Variants in BLVRA observed in about 807,000 individuals in gnomAD.
BLVRA encodes the protein BVR A.
A neutral mutation model predicts 32.8 loss-of-function variants in BLVRA; 22 were observed. The observed-to-expected ratio is 0.67, with a 90% CI of 0.48 to 0.96. The LOEUF is 0.96. Among genes scored for constraint, BLVRA ranks in the 40% least tolerant of loss-of-function variants. The probability of loss-of-function intolerance (pLI) is 0.00; values close to 1 mark genes in which losing one functional copy is unlikely to be tolerated. For synonymous variants in BLVRA, 119 were observed against 141.3 expected, an observed-to-expected ratio of 0.84 and a Z score of 1.12; for missense variants, 323 against 358.1, an observed-to-expected ratio of 0.90 and a Z score of 0.79.
chr7:43,794,438 A>T (rs1013338437), intron 5 of BLVRA, among the ~76,000 whole-genome samples: 1 of 152,188 alleles, frequency 6.6e-6, no homozygotes, highest in South Asian at 2.1e-4. Flanking sequence ...TAATGTTGAC[A>T]TATAAATCAC....
chr7:43,765,805 C>A (rs776549526), intron 1 of BLVRA, among the ~76,000 whole-genome samples: 1 of 151,594 alleles, frequency 6.6e-6, no homozygotes, highest in Non-Finnish European at 1.5e-5. Context: ...TGTGATACAG[C>A]AGAAAAAAGT....
intron 2 of BLVRA, among the ~76,000 whole-genome samples, chr7:43,773,303 A>C (rs1031025174): frequency 9.5e-5 from 14 of 147,470 alleles, no homozygotes; most frequent in Admixed American, 1.4e-4. Flanking sequence ...CCCACCCCAC[A>C]ACAGTCCCCG....
intron 2 of BLVRA, among the ~76,000 whole-genome samples, chr7:43,779,945 C>T (rs2095766824): frequency 6.6e-6 from 1 of 151,938 alleles, no homozygotes; most frequent in African/African-American, 2.4e-5. Context: ...GTGATCTTGG[C>T]TCACTGCAAC....
chr7:43,760,295 G>A (rs2095740891), intron 1 of BLVRA, among the ~76,000 whole-genome samples: 2 of 139,116 alleles, frequency 1.4e-5, no homozygotes, highest in Non-Finnish European at 3.2e-5. Context: ...TGTTATAATT[G>A]TATTTAGTTT....
At chr7:43,784,598 C>CTTTTTTT (rs5883874) in intron 2 of BLVRA, among the ~76,000 whole-genome samples, 1 of 85,236 alleles carries the variant, frequency 1.2e-5, no homozygotes, top group Non-Finnish European at 2.1e-5. Flanking sequence ...TCACTCATAT[C>CTTTTTTT]TTTTTTTTTT....
At chr7:43,793,291 A>G (rs971681561) in intron 5 of BLVRA, among the ~76,000 whole-genome samples, 2 of 151,848 alleles carry the variant, frequency 1.3e-5, no homozygotes, top group Non-Finnish European at 2.9e-5. Context: ...ATTTTGCTTA[A>G]TTCTTCTAGA....
At chr7:43,780,024 A>C (rs2095766968) in intron 2 of BLVRA, among the ~76,000 whole-genome samples, 1 of 151,752 alleles carries the variant, frequency 6.6e-6, no homozygotes, top group Admixed American at 6.6e-5. Flanking sequence ...CAGGAGCACC[A>C]CCACACCTGG....
intron 7 of BLVRA, 45 bp from the exon 8 acceptor site, chr7:43,806,932 C>G (rs1314699585): frequency 6.2e-7 from 1 of 1,611,420 alleles, no homozygotes; most frequent in Non-Finnish European, 8.5e-7. Flanking sequence ...CACTTGTGCT[C>G]TTGTGTAATC....
At chr7:43,797,542 T>A (rs1484639978) in intron 5 of BLVRA, among the ~76,000 whole-genome samples, 2 of 152,264 alleles carry the variant, frequency 1.3e-5, no homozygotes, top group African/African-American at 4.8e-5. Flanking sequence ...ATATTCACTT[T>A]ATTGTGGTGG....
At chr7:43,764,730 G>A (rs1230027606) in intron 1 of BLVRA, among the ~76,000 whole-genome samples, 2 of 151,996 alleles carry the variant, frequency 1.3e-5, no homozygotes, top group Non-Finnish European at 2.9e-5. Context: ...AGTTAACCAA[G>A]CCAGACACCA....
intron 2 of BLVRA, among the ~76,000 whole-genome samples, chr7:43,783,787 C>A (rs2095773309): frequency 6.6e-6 from 1 of 152,136 alleles, no homozygotes. Context: ...CCCAGGCCAA[C>A]CAATGTGTTA....
In BLVRA at chr7:43,800,463, A is replaced by C. The variant is rs2095797406; in HGVS notation, c.353-2A>C. On this transcript the variant is annotated splice_acceptor_variant, in intron 5 of 7. Transcript: ENST00000265523. LOFTEE classifies it high-confidence loss of function. ...CTTTTTATTCCATTTTTGTCGTTAC[A>C]GGAAAAGTCTTGCACGAGGAGCATG... 1.3e-5 allele frequency: 21 copies of C among 1,614,014 alleles called. No homozygotes were observed. The highest frequency in any genetic ancestry group is 1.8e-5 in the Non-Finnish European group (21 of 1,179,870).
chr7:43,796,985 A>T (rs1349846278), intron 5 of BLVRA, among the ~76,000 whole-genome samples: 1 of 152,250 alleles, frequency 6.6e-6, no homozygotes, highest in Admixed American at 6.5e-5. Context: ...TAGAAAATGC[A>T]AATCAAATCC....
intron 2 of BLVRA, among the ~76,000 whole-genome samples, chr7:43,777,867 TC>T (rs1280447437): frequency 6.6e-6 from 1 of 152,190 alleles, no homozygotes; most frequent in Non-Finnish European, 1.5e-5. Context: ...TCTCTAAACT[TC>T]CCTTCTCGCT....
chr7:43,780,538 T>C (rs2095767751), intron 2 of BLVRA, among the ~76,000 whole-genome samples: 1 of 152,136 alleles, frequency 6.6e-6, no homozygotes, highest in Non-Finnish European at 1.5e-5. Context: ...TCCTCATCAC[T>C]TCCTCACTTA....
At chr7:43,773,587 C>T (rs959063465) in intron 2 of BLVRA, among the ~76,000 whole-genome samples, 48 of 152,068 alleles carry the variant, frequency 3.2e-4, no homozygotes, top group Non-Finnish European at 5.7e-4. Context: ...TGAATAGTGC[C>T]GCAATAAACA....
At chr7:43,782,086 T>C (rs181668585) in intron 2 of BLVRA, among the ~76,000 whole-genome samples, 23 of 152,326 alleles carry the variant, frequency 1.5e-4, no homozygotes, top group African/African-American at 5.5e-4. Flanking sequence ...ACTGTAGCTG[T>C]CGGGGTGCCT....
intron 1 of BLVRA, among the ~76,000 whole-genome samples, chr7:43,770,320 A>C (rs575346770): frequency 6.3e-4 from 96 of 152,322 alleles, no homozygotes; most frequent in African/African-American, 2.2e-3. Flanking sequence ...AAGTGAGAGA[A>C]AAAATTAATC....
chr7:43,801,216 C>CA (rs1442647188), intron 6 of BLVRA, among the ~76,000 whole-genome samples: 8 of 152,162 alleles, frequency 5.3e-5, no homozygotes, highest in Admixed American at 2.6e-4. Flanking sequence ...AGCCTCATCT[C>CA]AAACTCCTGG....
Sources: gnomAD v4.1 joint callset for allele counts (sites outside exome capture counted in the v4.1 genomes callset) on GRCh38, gnomAD v4.1.1 for gene constraint, MANE v1.5 for transcripts, NCBI Gene and HGNC (gene_info 2026-07-23, HGNC 2026-07-21) for gene names.